CDK8: variants seen among roughly 807,000 people sequenced by gnomAD.
The protein encoded by CDK8 is cyclin dependent kinase 8.
CDK8 carries 29 observed loss-of-function variants against 71.5 expected under a neutral mutation model. That is an observed-to-expected ratio of 0.41 (90% CI 0.30 to 0.55). CDK8 has a LOEUF of 0.55. CDK8 is among the 20% of genes least tolerant of loss of function. The pLI, the probability that CDK8 is intolerant of heterozygous loss-of-function variation, is 0.37. For missense variants in CDK8, 288 were observed against 572.6 expected, an observed-to-expected ratio of 0.50 and a Z score of 5.07; for synonymous variants, 161 against 192.1, an observed-to-expected ratio of 0.84 and a Z score of 1.34.
At chr13:26,386,930 C>G (rs1271005026) in intron 6 of CDK8, among the ~76,000 whole-genome samples, 1 of 152,210 alleles carries the variant, frequency 6.6e-6, no homozygotes, top group African/African-American at 2.4e-5. Context: ...TGGGCACACT[C>G]AATCTGAAGT....
chr13:26,341,180 G>A (rs186631909), intron 2 of CDK8, among the ~76,000 whole-genome samples: 3 of 152,246 alleles, frequency 2.0e-5, no homozygotes, highest in Admixed American at 2.0e-4. Flanking sequence ...AGGCTGGAGT[G>A]CAATGGCACG....
At chr13:26,380,858 C>A (rs144875222) in intron 4 of CDK8, among the ~76,000 whole-genome samples, 1 of 152,202 alleles carries the variant, frequency 6.6e-6, no homozygotes, top group Admixed American at 6.5e-5. Context: ...ATACCTCTAT[C>A]GCTCTACAGT....
chr13:26,287,294 T>C (rs1873067714), intron 1 of CDK8, among the ~76,000 whole-genome samples: 1 of 152,180 alleles, frequency 6.6e-6, no homozygotes, highest in Non-Finnish European at 1.5e-5. Flanking sequence ...TATATGTATA[T>C]ATACAGCTCT....
intron 1 of CDK8, among the ~76,000 whole-genome samples, chr13:26,302,354 A>C (rs902093945): frequency 2.4e-4 from 37 of 152,190 alleles, no homozygotes; most frequent in Admixed American, 2.4e-3. Context: ...GGGTCTTCCC[A>C]ATTTTTTTGC....
intron 1 of CDK8, among the ~76,000 whole-genome samples, chr13:26,312,821 A>C (rs1009309490): frequency 7.2e-5 from 11 of 152,156 alleles, no homozygotes; most frequent in African/African-American, 2.7e-4. Flanking sequence ...GAGTGTGTGC[A>C]TAGTACTGTA....
chr13:26,357,964 C>T (rs1200522819), intron 4 of CDK8, among the ~76,000 whole-genome samples: 1 of 152,182 alleles, frequency 6.6e-6, no homozygotes, highest in Non-Finnish European at 1.5e-5. Flanking sequence ...TAATGTTTGA[C>T]CAAACATCTG....
At chr13:26,341,225 C>G (rs1286893009) in intron 2 of CDK8, among the ~76,000 whole-genome samples, 1 of 152,160 alleles carries the variant, frequency 6.6e-6, no homozygotes, top group Non-Finnish European at 1.5e-5. Context: ...CTCCCGGGTT[C>G]AAGTGATTCT....
chr13:26,385,692 G>A (rs1045851608), intron 6 of CDK8, among the ~76,000 whole-genome samples: 7 of 152,116 alleles, frequency 4.6e-5, no homozygotes, highest in East Asian at 3.9e-4. Flanking sequence ...AGTCATGATC[G>A]CACCACTCTA....
intron 1 of CDK8, among the ~76,000 whole-genome samples, chr13:26,295,325 T>C (rs1197339332): frequency 6.6e-6 from 1 of 152,312 alleles, no homozygotes; most frequent in African/African-American, 2.4e-5. Flanking sequence ...CCAAAATACC[T>C]TATTAATAAA....
chr13:26,264,740 C>T (rs1037314726), intron 1 of CDK8, among the ~76,000 whole-genome samples: 2 of 152,150 alleles, frequency 1.3e-5, no homozygotes, highest in African/African-American at 4.8e-5. Flanking sequence ...CCCACTCACC[C>T]TTCCTAGTCC....
At chr13:26,311,821 A>G (rs60452037) in intron 1 of CDK8, among the ~76,000 whole-genome samples, 9,793 of 152,258 alleles carry the variant, frequency 0.064, 1,028 homozygotes, top group African/African-American at 0.22. Context: ...AATCACAGGC[A>G]AAAGAAGTAA....
intron 1 of CDK8, among the ~76,000 whole-genome samples, chr13:26,332,502 T>TATATAA (rs911654910): frequency 2.0e-5 from 3 of 151,108 alleles, no homozygotes; most frequent in East Asian, 1.9e-4. Flanking sequence ...TATATATATA[T>TATATAA]AAAATCATAT....
At chr13:26,311,928 GA>G (rs1874300492) in intron 1 of CDK8, among the ~76,000 whole-genome samples, 1 of 152,200 alleles carries the variant, frequency 6.6e-6, no homozygotes, top group Non-Finnish European at 1.5e-5. Context: ...ATTCTATAAA[GA>G]ATCAGGAAGA....
intron 2 of CDK8, among the ~76,000 whole-genome samples, chr13:26,346,924 T>G (rs1005058596): frequency 6.6e-6 from 1 of 152,178 alleles, no homozygotes; most frequent in Non-Finnish European, 1.5e-5. Flanking sequence ...TGTGGCAGTG[T>G]TCTTACAAAA....
At position 26,401,938 on chromosome 13, in the gene CDK8, T is replaced by C. The variant is rs1876279435; in HGVS notation, c.1269+314T>C. ...ACTAGTAAAACCTAACTTGCAGCTG[T>C]TGTCAGATTAGACATGAAGTGGCTT... On this transcript the variant is annotated intron_variant, in intron 12 of 12. Transcript: ENST00000381527. The surrounding 1 kb of genome is among the most constrained non-coding windows in gnomAD (Gnocchi z 4.5). Among the ~76,000 whole-genome samples, 1 of 152,228 alleles carries C rather than the reference T, an allele frequency of 6.6e-6. No homozygotes were observed. Among genetic ancestry groups the C allele is most frequent in the Non-Finnish European group, 1.5e-5 (1 of 68,032 alleles).
chr13:26,359,863 G>T, intron 4 of CDK8: 1 of 222,936 alleles, frequency 4.5e-6, no homozygotes, highest in Non-Finnish European at 9.4e-6. Context: ...TTACAGGCGT[G>T]TACCACCACA....
At chr13:26,310,891 A>T (rs760135243) in intron 1 of CDK8, among the ~76,000 whole-genome samples, 19 of 152,058 alleles carry the variant, frequency 1.2e-4, no homozygotes, top group Non-Finnish European at 2.6e-4. Context: ...GCATTTTATG[A>T]TTACTCAAAA....
intron 2 of CDK8, among the ~76,000 whole-genome samples, chr13:26,343,983 A>G (rs899458766): frequency 6.6e-6 from 1 of 152,022 alleles, no homozygotes; most frequent in Non-Finnish European, 1.5e-5. Context: ...TGGTGTGGGA[A>G]TGATCTCATC....
intron 4 of CDK8, among the ~76,000 whole-genome samples, chr13:26,377,270 C>G (rs1487242144): frequency 6.6e-6 from 1 of 152,240 alleles, no homozygotes; most frequent in Non-Finnish European, 1.5e-5. Context: ...TGAAGGCACT[C>G]TGTTCCTCAG....
Sources: gnomAD v4.1 joint callset for allele counts (sites outside exome capture counted in the v4.1 genomes callset) on GRCh38, gnomAD v4.1.1 for gene constraint, Gnocchi (gnomAD v3.1) non-coding constraint, MANE v1.5 for transcripts, NCBI Gene and HGNC (gene_info 2026-07-23, HGNC 2026-07-21) for gene names.